The following CNTNAP2 variants were observed in gnomAD, a reference collection of about 807,000 sequenced individuals.
The protein encoded by CNTNAP2 is contactin-associated protein-like 2.
In CNTNAP2, 98 loss-of-function variants were observed where a neutral mutation model predicts 155.2. The ratio of observed to expected loss-of-function variants is 0.63; its 90% CI spans 0.54 to 0.75. The LOEUF (loss-of-function observed/expected upper bound fraction) is 0.75, where lower values mean the gene tolerates loss of function less well. Ranked by LOEUF, CNTNAP2 falls within the 30% of genes least tolerant of loss-of-function variation. The pLI, the probability that CNTNAP2 is intolerant of heterozygous loss-of-function variation, is 0.00. For missense variants in CNTNAP2, 1,727 were observed against 1,688.1 expected, an observed-to-expected ratio of 1.02 and a Z score of -0.40; for synonymous variants, 651 against 631.2, an observed-to-expected ratio of 1.03 and a Z score of -0.47.
intron 3 of CNTNAP2, among the ~76,000 whole-genome samples, chr7:146,908,751 C>T (rs1190795801): frequency 2.2e-5 from 3 of 137,338 alleles, no homozygotes; most frequent in Non-Finnish European, 3.2e-5. Flanking sequence ...ACTAGAAAAG[C>T]AAGAGCAAAC....
At position 146,711,011 on chromosome 7, in the gene CNTNAP2, G is replaced by A. The variant is rs150864517; in HGVS notation, c.98-63260G>A. 8.8e-3 allele frequency among the ~76,000 whole-genome samples: 1,333 copies of A among 151,792 alleles called. 8 individuals carry two copies. The highest frequency in any genetic ancestry group is 0.012 in the Non-Finnish European group (821 of 67,934). ...GCTTACTAATCCTTCACTTAACCTG[G>A]AACCTCCTTGCTCAACCTCTTGGCT... On this transcript the variant is annotated intron_variant, in intron 1 of 23. Coordinates refer to ENST00000361727, the MANE Select transcript of CNTNAP2 (RefSeq NM_014141.6).
At chr7:146,954,471 T>G (rs983162195) in intron 3 of CNTNAP2, among the ~76,000 whole-genome samples, 7 of 151,952 alleles carry the variant, frequency 4.6e-5, no homozygotes, top group African/African-American at 1.4e-4. Context: ...GAAACATACT[T>G]CTTTACGTAA....
At chr7:148,126,349 T>C (rs1804715581) in intron 16 of CNTNAP2, among the ~76,000 whole-genome samples, 1 of 152,098 alleles carries the variant, frequency 6.6e-6, no homozygotes, top group Admixed American at 6.6e-5. Context: ...GTTGAATGAA[T>C]GAAATGAATG....
intron 12 of CNTNAP2, among the ~76,000 whole-genome samples, chr7:147,613,469 A>G (rs1392603761): frequency 6.6e-6 from 1 of 152,222 alleles, no homozygotes; most frequent in African/African-American, 2.4e-5. Context: ...TCGATGAAGA[A>G]GAGAGCTGAA....
chr7:147,812,186 A>G (rs566873599), intron 13 of CNTNAP2, among the ~76,000 whole-genome samples: 2 of 152,230 alleles, frequency 1.3e-5, no homozygotes, highest in East Asian at 3.9e-4. Flanking sequence ...CGGCCAGTCC[A>G]GAGGCTCAAG....
intron 8 of CNTNAP2, among the ~76,000 whole-genome samples, chr7:147,219,266 T>C (rs1208994930): frequency 6.6e-6 from 1 of 152,040 alleles, no homozygotes; most frequent in Non-Finnish European, 1.5e-5. Context: ...ACTCACAGGA[T>C]CACAAGGTGA....
intron 16 of CNTNAP2, among the ~76,000 whole-genome samples, chr7:148,127,567 A>G (rs1804742349): frequency 6.6e-6 from 1 of 152,198 alleles, no homozygotes; most frequent in South Asian, 2.1e-4. Flanking sequence ...ATGAGGAAAA[A>G]CTTTCATGTT....
intron 15 of CNTNAP2, among the ~76,000 whole-genome samples, chr7:148,045,496 A>T (rs1042245353): frequency 3.3e-5 from 5 of 152,168 alleles, no homozygotes; most frequent in Non-Finnish European, 5.9e-5. Context: ...ACTAGCAGAT[A>T]CCTGGATTGA....
chr7:148,157,884 G>A (rs1244805917), intron 17 of CNTNAP2, among the ~76,000 whole-genome samples: 2 of 151,988 alleles, frequency 1.3e-5, no homozygotes, highest in African/African-American at 2.4e-5. Context: ...GAAATCAATC[G>A]ACCATATGCA....
intron 20 of CNTNAP2, among the ~76,000 whole-genome samples, chr7:148,246,032 C>T (rs888343719): frequency 2.0e-5 from 3 of 152,186 alleles, no homozygotes; most frequent in Non-Finnish European, 4.4e-5. Context: ...ACTGGCAGAA[C>T]TGGTCGTTAA....
intron 18 of CNTNAP2, among the ~76,000 whole-genome samples, chr7:148,191,359 C>A (rs150328479): frequency 6.6e-6 from 1 of 152,250 alleles, no homozygotes; most frequent in African/African-American, 2.4e-5. Context: ...CAAGAAGGCT[C>A]TCACAAGATG....
At chr7:146,309,520 G>A (rs577985076) in intron 1 of CNTNAP2, among the ~76,000 whole-genome samples, 1 of 152,262 alleles carries the variant, frequency 6.6e-6, no homozygotes, top group East Asian at 1.9e-4. Flanking sequence ...AGGAGAAATA[G>A]GTGGGGCGCG....
intron 21 of CNTNAP2, among the ~76,000 whole-genome samples, chr7:148,367,527 A>G (rs1009691516): frequency 6.6e-6 from 1 of 152,166 alleles, no homozygotes; most frequent in Non-Finnish European, 1.5e-5. Context: ...AGGGCCTGTG[A>G]AAGTCATCAC....
chr7:148,187,427 A>T (rs941354855), intron 18 of CNTNAP2, among the ~76,000 whole-genome samples: 2 of 152,216 alleles, frequency 1.3e-5, no homozygotes, highest in Non-Finnish European at 2.9e-5. Context: ...TTTCTTATTG[A>T]TGAAATTCAT....
intron 1 of CNTNAP2, among the ~76,000 whole-genome samples, chr7:146,589,760 C>T (rs1267914350): frequency 6.6e-6 from 1 of 151,578 alleles, no homozygotes; most frequent in African/African-American, 2.4e-5. Context: ...AAAAAGCCCC[C>T]AAATATATAA....
At chr7:146,988,265 C>G (rs1248936054) in intron 3 of CNTNAP2, among the ~76,000 whole-genome samples, 1 of 151,978 alleles carries the variant, frequency 6.6e-6, no homozygotes, top group Non-Finnish European at 1.5e-5. Context: ...TAGAATTCAA[C>G]TTACCAGAGA....
rs1798930189 is a variant in CNTNAP2, at chr7:146,600,272, A to ACTGCAAATATGTTAT, written c.98-173993_98-173979dup. 2.0e-5 allele frequency among the ~76,000 whole-genome samples: 3 copies of ACTGCAAATATGTTAT among 152,140 alleles called. No homozygotes were observed. In the South Asian group the frequency reaches 6.2e-4, roughly 31 times the overall value. ...ATTTTCTTTTCATTACAACTCACGT[A>ACTGCAAATATGTTAT]CTGCAAATATGTTATCTGCATTTTG... On this transcript the variant is annotated intron_variant, in intron 1 of 23. Transcript: ENST00000361727.
At chr7:146,191,581 T>A (rs185637680) in intron 1 of CNTNAP2, among the ~76,000 whole-genome samples, 60 of 152,232 alleles carry the variant, frequency 3.9e-4, no homozygotes, top group Non-Finnish European at 5.7e-4. Context: ...GACCAGGGCT[T>A]ATTTCATCCC....
chr7:147,955,056 G>C (rs991772389), intron 14 of CNTNAP2, among the ~76,000 whole-genome samples: 1 of 152,152 alleles, frequency 6.6e-6, no homozygotes, highest in African/African-American at 2.4e-5. Context: ...CCCACCACAA[G>C]TGAAACAGCA....
Sources: gnomAD v4.1 joint callset for allele counts (sites outside exome capture counted in the v4.1 genomes callset) on GRCh38, gnomAD v4.1.1 for gene constraint, MANE v1.5 for transcripts, NCBI Gene and HGNC (gene_info 2026-07-23, HGNC 2026-07-21) for gene names.